NNMT: variants seen among roughly 807,000 people sequenced by gnomAD.
NNMT encodes nicotinamide N-methyltransferase.
A neutral mutation model predicts 11.7 loss-of-function variants in NNMT; 10 were observed. The ratio of observed to expected loss-of-function variants is 0.85; its 90% confidence interval spans 0.53 to 1.45. The LOEUF is 1.45. Among genes scored for constraint, NNMT ranks in the 40% most tolerant of loss-of-function variants. NNMT has a pLI of 0.00. For synonymous variants in NNMT, 143 were observed against 133.8 expected, an observed-to-expected ratio of 1.07 and a Z score of -0.48; for missense variants, 381 against 319.4, an observed-to-expected ratio of 1.19 and a Z score of -1.47.
At chr11:114,302,792 G>A (rs573149989) in intron 2 of NNMT, among the ~76,000 whole-genome samples, 1 of 152,250 alleles carries the variant, frequency 6.6e-6, no homozygotes, top group East Asian at 1.9e-4. Flanking sequence ...GTATTAAGAG[G>A]TCGGGGCTTT....
chr11:114,276,151 A>G (rs1438925704), intron 2 of NNMT, among the ~76,000 whole-genome samples: 1 of 124,756 alleles, frequency 8.0e-6, no homozygotes, highest in Non-Finnish European at 1.6e-5. Context: ...CCTTGTGCCA[A>G]CTTGGGACCC....
At chr11:114,287,600 T>C (rs1945308284) in intron 2 of NNMT, among the ~76,000 whole-genome samples, 2 of 152,224 alleles carry the variant, frequency 1.3e-5, no homozygotes, top group Admixed American at 1.3e-4. Flanking sequence ...TATTGGTCTA[T>C]TTGTCAATCC....
intron 2 of NNMT, among the ~76,000 whole-genome samples, chr11:114,270,994 C>T (rs1945164840): frequency 6.6e-6 from 1 of 152,086 alleles, no homozygotes; most frequent in Non-Finnish European, 1.5e-5. Context: ...CCAGGCTGGT[C>T]TTTAACTCCT....
rs1177179060 is a variant in NNMT at position 114,313,316 on chromosome 11, T to C, written c.*839T>C. 1 of 151,932 alleles carries C rather than the reference T, an allele frequency of 6.6e-6. No individual in the cohort carries two copies. Among genetic ancestry groups the C allele is most frequent in the Non-Finnish European group, 1.5e-5 (1 of 68,008 alleles). The allele number at this position is 151,932 out of a possible 1,614,324, so 9.4% of individuals were successfully genotyped here. The stretch of plus-strand genomic sequence containing the variant: ...GAACATGCAAAAACCCTGTCTGTAT[T>C]AAAAATACAAAAAAATTAGCTAGGT... On this transcript the variant is annotated 3_prime_UTR_variant, in exon 3 of 3. Transcript: ENST00000299964.
At chr11:114,278,777 T>C (rs1945235338) in intron 2 of NNMT, among the ~76,000 whole-genome samples, 1 of 152,170 alleles carries the variant, frequency 6.6e-6, no homozygotes, top group Non-Finnish European at 1.5e-5. Flanking sequence ...AGATCAGAAG[T>C]TGGATACCAG....
At chr11:114,277,286 A>G (rs1367536261) in intron 2 of NNMT, among the ~76,000 whole-genome samples, 3 of 152,158 alleles carry the variant, frequency 2.0e-5, no homozygotes, top group Admixed American at 6.5e-5. Flanking sequence ...AATAATACCT[A>G]TCCCCAGGGT....
chr11:114,296,889 T>C (rs1945386247), intron 1 of NNMT, among the ~76,000 whole-genome samples, 179 bp downstream of exon 1: 1 of 152,204 alleles, frequency 6.6e-6, no homozygotes, highest in East Asian at 1.9e-4. Context: ...AAAGTGCTTT[T>C]GTATCCACTG....
At chr11:114,285,596 T>C (rs2604294) in intron 2 of NNMT, among the ~76,000 whole-genome samples, 97,345 of 152,042 alleles carry the variant, frequency 0.64, 33,029 homozygotes, top group Admixed American at 0.78. Context: ...TGTTTATTTG[T>C]TATTAATTAC....
At chr11:114,303,726 T>A (rs560481811) in intron 2 of NNMT, among the ~76,000 whole-genome samples, 1 of 152,326 alleles carries the variant, frequency 6.6e-6, no homozygotes, top group South Asian at 2.1e-4. Context: ...GAGGCTATTC[T>A]ATTTTTTTTA....
chr11:114,298,441 G>A (rs556858896), intron 2 of NNMT: 22 of 390,178 alleles, frequency 5.6e-5, no homozygotes, highest in African/African-American at 4.3e-4. Flanking sequence ...CAGGCCTTTG[G>A]GGACAAGAGC....
At chr11:114,278,021 G>A (rs1364581326) in intron 2 of NNMT, among the ~76,000 whole-genome samples, 1 of 152,150 alleles carries the variant, frequency 6.6e-6, no homozygotes, top group African/African-American at 2.4e-5. Flanking sequence ...GAAGAAATAT[G>A]TTGGCTGCTA....
At chr11:114,262,487 CAGTG>C (rs1945091148) in intron 1 of NNMT, among the ~76,000 whole-genome samples, 1 of 152,174 alleles carries the variant, frequency 6.6e-6, no homozygotes, top group Admixed American at 6.5e-5. Context: ...CCTTTTAATG[CAGTG>C]AGTGAGACTG....
chr11:114,276,083 G>A (rs1166974562), intron 2 of NNMT, among the ~76,000 whole-genome samples: 1 of 151,940 alleles, frequency 6.6e-6, no homozygotes, highest in Non-Finnish European at 1.5e-5. Context: ...CGACTGCCTC[G>A]TTTTCTCCCT....
chr11:114,281,823 A>G (rs1945265307), intron 2 of NNMT, among the ~76,000 whole-genome samples: 1 of 152,194 alleles, frequency 6.6e-6, no homozygotes, highest in Non-Finnish European at 1.5e-5. Flanking sequence ...TTGGATGCCA[A>G]AAAAGAGAAT....
intron 2 of NNMT, among the ~76,000 whole-genome samples, chr11:114,274,158 T>C (rs1458750093): frequency 6.6e-6 from 1 of 152,228 alleles, no homozygotes; most frequent in African/African-American, 2.4e-5. Context: ...CCCAAGTGGT[T>C]GACTCTCTAC....
At chr11:114,302,113 C>T (rs1198790502) in intron 2 of NNMT, among the ~76,000 whole-genome samples, 1 of 152,058 alleles carries the variant, frequency 6.6e-6, no homozygotes, top group African/African-American at 2.4e-5. Context: ...ACAATTTCTG[C>T]CTCTAACTGG....
intron 2 of NNMT, among the ~76,000 whole-genome samples, chr11:114,309,381 G>T (rs1257198652): frequency 6.6e-6 from 1 of 152,132 alleles, no homozygotes; most frequent in Non-Finnish European, 1.5e-5. Flanking sequence ...GACTGCAAGG[G>T]GGACTTAGAA....
intron 2 of NNMT, among the ~76,000 whole-genome samples, chr11:114,280,814 G>T (rs962148035): frequency 6.6e-6 from 1 of 152,182 alleles, no homozygotes; most frequent in Non-Finnish European, 1.5e-5. Context: ...CTTGGGGGCT[G>T]CAGGGCCAGT....
At position 114,312,232 on chromosome 11, in the gene NNMT, G is replaced by A. The variant is rs752304293; in HGVS notation, c.550G>A (p.Gly184Ser). ...PTYCRALRNL[G>S]SLLKPGGFLV... ...CTACTGCAGGGCGCTCAGGAACCTC[G>A]GCAGCCTACTGAAGCCAGGGGGCTT... Residue 184 changes from glycine to serine, a missense_variant, in exon 3 of 3, where the codon GGC becomes AGC. By Grantham distance (56) the Gly-to-Ser change is moderately conservative. Coordinates refer to ENST00000299964, the MANE Select transcript of NNMT (RefSeq NM_006169.3). The A allele has an allele frequency of 7.4e-6, 12 of 1,614,066 alleles. No individual in the cohort carries two copies. Among genetic ancestry groups the A allele is most frequent in the Admixed American group, 5.0e-5 (3 of 60,004 alleles).
Sources: gnomAD v4.1 joint callset for allele counts (sites outside exome capture counted in the v4.1 genomes callset) on GRCh38, gnomAD v4.1.1 for gene constraint, MANE v1.5 for transcripts, NCBI Gene and HGNC (gene_info 2026-07-23, HGNC 2026-07-21) for gene names.